Variants in CNTN4 observed in about 807,000 individuals in gnomAD.
CNTN4 encodes the protein contactin-4.
Under a neutral mutation model 122.5 loss-of-function variants are expected in CNTN4, and 77 were observed. The ratio of observed to expected loss-of-function variants is 0.63; its 90% CI spans 0.52 to 0.76. CNTN4 has a LOEUF of 0.76. CNTN4 is among the 30% of genes least tolerant of loss of function. CNTN4 has a pLI of 0.00. For synonymous variants in CNTN4, 512 were observed against 447.0 expected (o/e 1.15, Z -1.83); for missense variants, 1,256 against 1,259.1 (o/e 1.00, Z 0.04).
intron 2 of CNTN4, among the ~76,000 whole-genome samples, chr3:2,325,858 G>C (rs1225571613): frequency 6.6e-6 from 1 of 152,112 alleles, no homozygotes; most frequent in Non-Finnish European, 1.5e-5. Flanking sequence ...CCTAATTAGA[G>C]GTGTATGCTT....
intron 2 of CNTN4, among the ~76,000 whole-genome samples, chr3:2,177,586 G>C (rs1330233227): frequency 6.6e-6 from 1 of 151,440 alleles, no homozygotes; most frequent in African/African-American, 2.4e-5. Context: ...TGGCTACTTA[G>C]GTTTATCTTA....
At chr3:2,562,023 T>G (rs2078977507) in intron 3 of CNTN4, among the ~76,000 whole-genome samples, 1 of 152,160 alleles carries the variant, frequency 6.6e-6, no homozygotes, top group Non-Finnish European at 1.5e-5. Context: ...TTGATTTTAT[T>G]GTAATAAGAC....
chr3:2,510,836 A>G (rs1277107925), intron 3 of CNTN4, among the ~76,000 whole-genome samples: 1 of 152,104 alleles, frequency 6.6e-6, no homozygotes, highest in Non-Finnish European at 1.5e-5. Context: ...CAGACAGAGT[A>G]AGGAGGAGTG....
chr3:2,954,377 T>G (rs2094777294), intron 13 of CNTN4, among the ~76,000 whole-genome samples: 1 of 152,250 alleles, frequency 6.6e-6, no homozygotes, highest in African/African-American at 2.4e-5. Flanking sequence ...TTACTACCGA[T>G]GGACAGTATG....
intron 12 of CNTN4, among the ~76,000 whole-genome samples, chr3:2,906,726 C>G (rs891344813): frequency 6.6e-6 from 1 of 151,670 alleles, no homozygotes; most frequent in African/African-American, 2.4e-5. Flanking sequence ...TGCCTGTAAT[C>G]CCAGCTACTC....
chr3:2,353,321 A>C (rs1464344239), intron 3 of CNTN4, among the ~76,000 whole-genome samples: 1 of 152,188 alleles, frequency 6.6e-6, no homozygotes, highest in Non-Finnish European at 1.5e-5. Flanking sequence ...TCAACTCTCT[A>C]TAAAATGGAC....
chr3:2,226,549 A>G (rs1488411880), intron 2 of CNTN4, among the ~76,000 whole-genome samples: 1 of 152,110 alleles, frequency 6.6e-6, no homozygotes, highest in Non-Finnish European at 1.5e-5. Context: ...TAAGTGCCCT[A>G]TTGCCCTGTA....
intron 7 of CNTN4, among the ~76,000 whole-genome samples, chr3:2,844,073 G>A (rs776724464): frequency 4.6e-5 from 7 of 152,038 alleles, no homozygotes; most frequent in African/African-American, 9.7e-5. Flanking sequence ...CATGAAACAC[G>A]TCCCTCCTAG....
chr3:2,334,816 C>T (rs192695348), intron 2 of CNTN4, among the ~76,000 whole-genome samples: 21 of 152,164 alleles, frequency 1.4e-4, no homozygotes, highest in Admixed American at 8.5e-4. Context: ...TTAGAGATGC[C>T]GCATCTGGGT....
intron 3 of CNTN4, among the ~76,000 whole-genome samples, chr3:2,425,451 C>T (rs1210125206): frequency 1.3e-5 from 2 of 152,090 alleles, no homozygotes; most frequent in Non-Finnish European, 2.9e-5. Context: ...GGTACCAGTA[C>T]CATGCTGTTT....
chr3:2,677,456 C>CTATGTATCTATACATAGATATAGAGATA (rs2084927090), intron 4 of CNTN4, among the ~76,000 whole-genome samples: 1 of 119,964 alleles, frequency 8.3e-6, no homozygotes, highest in East Asian at 2.8e-4. Context: ...ATATAGAGAT[C>CTATGTATCTATACATAGATATAGAGATA]TATGTATCTA....
chr3:2,627,739 C>T (rs537655688), intron 4 of CNTN4, among the ~76,000 whole-genome samples: 275 of 152,098 alleles, frequency 1.8e-3, no homozygotes, highest in African/African-American at 4.9e-3. Context: ...GTGATCTGCC[C>T]GCCTCGGCCT....
intron 15 of CNTN4, among the ~76,000 whole-genome samples, chr3:3,027,407 G>A (rs907046734): frequency 1.2e-4 from 18 of 152,146 alleles, no homozygotes; most frequent in Admixed American, 3.9e-4. Context: ...AATTGCCAGC[G>A]TAAACCATTC....
intron 2 of CNTN4, among the ~76,000 whole-genome samples, chr3:2,170,536 A>G (rs182127307): frequency 6.6e-5 from 10 of 152,328 alleles, no homozygotes; most frequent in African/African-American, 2.2e-4. Context: ...TAAGGATGTC[A>G]CATGTGCCCA....
intron 2 of CNTN4, among the ~76,000 whole-genome samples, chr3:2,200,103 ATG>A (rs1559336623): frequency 1.3e-5 from 2 of 152,184 alleles, no homozygotes; most frequent in Admixed American, 1.3e-4. Flanking sequence ...TATGTAAAGA[ATG>A]GATTCACGAG....
intron 2 of CNTN4, among the ~76,000 whole-genome samples, chr3:2,243,022 C>T (rs1302760593): frequency 6.6e-6 from 1 of 152,090 alleles, no homozygotes; most frequent in Non-Finnish European, 1.5e-5. Flanking sequence ...TATGCAGAAT[C>T]TGGTGCAAGC....
intron 6 of CNTN4, among the ~76,000 whole-genome samples, chr3:2,772,648 T>C (rs1159138671): frequency 6.6e-6 from 1 of 152,208 alleles, no homozygotes; most frequent in Admixed American, 6.5e-5. Flanking sequence ...AATGTAAACC[T>C]CAATTATTTC....
chr3:2,497,945 C>T (rs2151720434), intron 3 of CNTN4, among the ~76,000 whole-genome samples: 1 of 152,248 alleles, frequency 6.6e-6, no homozygotes. Context: ...CTCACTTCTA[C>T]TCTTTTTCTC....
At chr3:2,665,477 T>C (rs1445570824) in intron 4 of CNTN4, among the ~76,000 whole-genome samples, 1 of 152,166 alleles carries the variant, frequency 6.6e-6, no homozygotes, top group Non-Finnish European at 1.5e-5. Flanking sequence ...CAAAAAGAAC[T>C]CAGAATTAGT....
Sources: allele counts gnomAD v4.1 joint callset (sites outside exome capture counted in the v4.1 genomes callset), GRCh38; gene constraint gnomAD v4.1.1; transcripts MANE v1.5; gene names NCBI Gene and HGNC (gene_info 2026-07-23, HGNC 2026-07-21).